Variants in RPAP3 observed in about 807,000 individuals in gnomAD.
RPAP3 encodes the protein RNA polymerase II-associated protein 3.
Under a neutral mutation model 88.8 loss-of-function variants are expected in RPAP3, and 58 were observed. The ratio of observed to expected loss-of-function variants is 0.65; its 90% CI spans 0.53 to 0.81. RPAP3 has a LOEUF of 0.81. Ranked by LOEUF, RPAP3 falls within the 40% of genes least tolerant of loss-of-function variation. The pLI is 0.00. For synonymous variants in RPAP3, 255 were observed against 259.9 expected, an observed-to-expected ratio of 0.98 and a Z score of 0.18; for missense variants, 751 against 764.3, an observed-to-expected ratio of 0.98 and a Z score of 0.20.
rs1938888316 is a variant in RPAP3, at chr12:47,667,011, T to G, written c.1881A>C (p.Ala627=). 2 of 1,546,614 alleles carry G rather than the reference T, an allele frequency of 1.3e-6. No homozygotes were observed. Among genetic ancestry groups the G allele is most frequent in the Non-Finnish European group, 1.7e-6 (2 of 1,154,432 alleles). ...RLSELKRFDM[A]VMFMSETEKK... is the part of the protein sequence containing the mutation. Reference sequence around the variant, plus strand: ...TCTCTGTTTCTGACATAAACATCACTGCCATATCAAACCTTTTTAGTTCAG... The same window carrying G: ...TCTCTGTTTCTGACATAAACATCACGGCCATATCAAACCTTTTTAGTTCAG... The change falls in exon 16 of 17, where the codon GCA becomes GCC. Residue 627 remains alanine (A), a synonymous_variant. Coordinates refer to ENST00000005386, the MANE Select transcript of RPAP3 (RefSeq NM_024604.3).
chr12:47,680,944 G>T (rs1939210305), intron 10 of RPAP3, among the ~76,000 whole-genome samples: 1 of 150,232 alleles, frequency 6.7e-6, no homozygotes, highest in Non-Finnish European at 1.5e-5. Context: ...TCTGCTTACT[G>T]GGATTCAAAA....
At position 47,686,799 on chromosome 12, in the gene RPAP3, C is replaced by A; in HGVS notation, c.973G>T (p.Ala325Ser). 1 of 1,599,474 alleles carries A rather than the reference C, an allele frequency of 6.3e-7. No individual in the cohort carries two copies. Among genetic ancestry groups the A allele is most frequent in the Admixed American group, 1.8e-5 (1 of 56,444 alleles). Reference sequence around the variant, plus strand: ...ACTTACTTCTGAATCTTCAGATAGGCCATAGCTCTGTTAGCTGGAAGAAGG... The same window carrying A: ...ACTTACTTCTGAATCTTCAGATAGGACATAGCTCTGTTAGCTGGAAGAAGG... ...NALLPANRAM[A>S]YLKIQKYEEA... Residue 325 changes from alanine (A) to serine (S), a missense_variant, in exon 9 of 17, where the codon GCC becomes TCC. Ala to Ser is a moderately conservative substitution (Grantham distance 99, BLOSUM62 1). Transcript: ENST00000005386.
At chr12:47,687,758 C>T in intron 8 of RPAP3, 118 bp downstream of exon 8, 2 of 1,236,104 alleles carry the variant, frequency 1.6e-6, no homozygotes, top group Non-Finnish European at 2.2e-6. Context: ...ATTTAATTCC[C>T]AATTCCTACT....
intron 5 of RPAP3, among the ~76,000 whole-genome samples, chr12:47,691,998 G>A (rs1487907358): frequency 6.6e-6 from 1 of 152,086 alleles, no homozygotes; most frequent in East Asian, 1.9e-4. Flanking sequence ...GCCCGCCTCG[G>A]CCTCCCACAA....
intron 14 of RPAP3, among the ~76,000 whole-genome samples, chr12:47,668,493 C>T (rs1565712841): frequency 6.6e-6 from 1 of 152,138 alleles, no homozygotes; most frequent in Non-Finnish European, 1.5e-5. Flanking sequence ...AAATGTTACT[C>T]TCATTACACT....
intron 16 of RPAP3, among the ~76,000 whole-genome samples, chr12:47,666,667 G>T (rs944338046): frequency 2.6e-5 from 4 of 152,100 alleles, no homozygotes; most frequent in African/African-American, 9.7e-5. Context: ...TCGAATCCTA[G>T]GTCTGGCTTC....
At chr12:47,680,500 T>TAA (rs1157754480) in intron 10 of RPAP3, among the ~76,000 whole-genome samples, 1 of 152,076 alleles carries the variant, frequency 6.6e-6, no homozygotes, top group Admixed American at 6.6e-5. Context: ...CTGCTGTAGC[T>TAA]AACAGGCTTA....
chr12:47,696,235 A>G (rs1211007315), intron 5 of RPAP3, 41 bp downstream of exon 5: 12 of 1,458,662 alleles, frequency 8.2e-6, no homozygotes, highest in Non-Finnish European at 1.0e-5. Flanking sequence ...CCATATATAC[A>G]TAAGACATTC....
At chr12:47,663,649 GTAAAT>G in intron 16 of RPAP3, 59 bp from the exon 17 acceptor site, 1 of 1,029,846 alleles carries the variant, frequency 9.7e-7, no homozygotes, top group Non-Finnish European at 1.4e-6. Context: ...CAAGCAAAAT[GTAAAT>G]TAAAAGGAGC....
chr12:47,689,645 C>A (rs1408170796), intron 6 of RPAP3, among the ~76,000 whole-genome samples: 1 of 148,250 alleles, frequency 6.7e-6, no homozygotes, highest in African/African-American at 2.5e-5. Context: ...AGCCAAGCCA[C>A]TGAACTTTCT....
rs748848888 is a variant in RPAP3 at position 47,687,960 on chromosome 12, G to A, written c.780C>T (p.Asp260=). The A allele has an allele frequency of 8.1e-6, 13 of 1,613,346 alleles. No homozygotes were observed. The highest frequency in any genetic ancestry group is 1.1e-5 in the Non-Finnish European group (13 of 1,179,676). Residue 260 remains aspartate, a synonymous_variant, in exon 8 of 17, where the codon GAC becomes GAT. Transcript: ENST00000005386. ...SKENSYPKEA[D]IVIKSTEGER... Reference sequence around the variant, plus strand: ...CTCCTTCTGTTGACTTAATCACTATGTCAGCTTCCTTTGGATATGAGTTTT... The same window carrying A: ...CTCCTTCTGTTGACTTAATCACTATATCAGCTTCCTTTGGATATGAGTTTT...
chr12:47,697,473 T>C, intron 4 of RPAP3, 124 bp downstream of exon 4: 1 of 830,240 alleles, frequency 1.2e-6, no homozygotes. Flanking sequence ...CAGAGAGGGA[T>C]GTAGCCAAAA....
chr12:47,665,211 C>A (rs1938845392), intron 16 of RPAP3, among the ~76,000 whole-genome samples: 2 of 151,700 alleles, frequency 1.3e-5, no homozygotes, highest in South Asian at 4.2e-4. Flanking sequence ...ATTCTCCTGC[C>A]TGAGCCTCCC....
chr12:47,661,696 T>C lies in RPAP3; in HGVS notation c.*1809A>G, dbSNP rs1938762536. 6.6e-6 allele frequency: 1 copy of C among 152,174 alleles called. No homozygotes were observed. The allele number at this position is 152,174 out of a possible 1,614,324, so 9.4% of individuals were successfully genotyped here. A position where few individuals can be genotyped will look rare whatever the true frequency, so the allele number is the denominator to read the frequency against. On this transcript the variant is annotated 3_prime_UTR_variant, in exon 17 of 17. Transcript: ENST00000005386. The stretch of plus-strand genomic sequence containing the variant: ...CAGTCTCTACACAGGTAACACAACA[T>C]AAAAACTGCAGCTGGAAGTAGTTCA...
intron 12 of RPAP3, among the ~76,000 whole-genome samples, chr12:47,677,308 A>T (rs1399871954): frequency 3.9e-5 from 6 of 152,308 alleles, no homozygotes; most frequent in South Asian, 4.1e-4. Flanking sequence ...CAAAAACTGG[A>T]AGCATTCCCT....
At chr12:47,694,876 T>TATTG (rs897387483) in intron 5 of RPAP3, among the ~76,000 whole-genome samples, 14 of 152,172 alleles carry the variant, frequency 9.2e-5, no homozygotes, top group Non-Finnish European at 2.1e-4. Context: ...ATTATATCAA[T>TATTG]GTTGGTAAGG....
chr12:47,700,184 A>G (rs1939629662), intron 3 of RPAP3: 1 of 152,020 alleles, frequency 6.6e-6, no homozygotes, highest in Admixed American at 6.6e-5. Flanking sequence ...AAATTCAGGA[A>G]GATGCACACT....
chr12:47,701,258 C>A, intron 3 of RPAP3: 1 of 368,198 alleles, frequency 2.7e-6, no homozygotes, highest in Non-Finnish European at 4.8e-6. Flanking sequence ...TTTTAGCCAC[C>A]ATTTGCTGAA....
chr12:47,685,673 A>C (rs1292041271), intron 9 of RPAP3, among the ~76,000 whole-genome samples: 2 of 152,222 alleles, frequency 1.3e-5, no homozygotes, highest in East Asian at 3.8e-4. Flanking sequence ...TTGCTTGTTG[A>C]TCAGTACGTG....
Sources: gnomAD v4.1 joint callset for allele counts (sites outside exome capture counted in the v4.1 genomes callset) on GRCh38, gnomAD v4.1.1 for gene constraint, MANE v1.5 for transcripts, NCBI Gene and HGNC (gene_info 2026-07-23, HGNC 2026-07-21) for gene names.